The following FBN1 variants were observed in gnomAD, a reference collection of about 807,000 sequenced individuals.
The protein encoded by FBN1 is fibrillin 1, also known as fibrillin-1.
A neutral mutation model predicts 365.1 loss-of-function variants in FBN1; 29 were observed. The ratio of observed to expected loss-of-function variants is 0.08; its 90% CI spans 0.06 to 0.11. The LOEUF (loss-of-function observed/expected upper bound fraction) is 0.11, where lower values mean the gene tolerates loss of function less well. Among genes scored for constraint, FBN1 ranks in the 10% least tolerant of loss-of-function variants. The pLI, the probability that FBN1 is intolerant of heterozygous loss-of-function variation, is 1.00. For missense variants in FBN1, 2,476 were observed against 3,703.2 expected, an observed-to-expected ratio of 0.67 and a Z score of 8.60; for synonymous variants, 1,210 against 1,270.5, an observed-to-expected ratio of 0.95 and a Z score of 1.01.
intron 6 of FBN1, among the ~76,000 whole-genome samples, chr15:48,581,727 G>A (rs1278096067): frequency 1.3e-5 from 2 of 152,170 alleles, no homozygotes; most frequent in African/African-American, 2.4e-5. Flanking sequence ...TGAAAAATGA[G>A]AGGAAAGAAC....
At chr15:48,527,088 G>A (rs1055516989) in intron 8 of FBN1, among the ~76,000 whole-genome samples, 3 of 152,226 alleles carry the variant, frequency 2.0e-5, no homozygotes, top group South Asian at 4.1e-4. Context: ...AGTGGAGGCT[G>A]TTGATGGGCT....
intron 18 of FBN1, among the ~76,000 whole-genome samples, chr15:48,498,279 C>T (rs1230669985): frequency 6.6e-6 from 1 of 152,118 alleles, no homozygotes; most frequent in Non-Finnish European, 1.5e-5. Flanking sequence ...CTCTAAATAT[C>T]CCCTCCACAT....
At chr15:48,635,256 G>A (rs1040455214) in intron 2 of FBN1, among the ~76,000 whole-genome samples, 4 of 152,058 alleles carry the variant, frequency 2.6e-5, no homozygotes, top group Admixed American at 6.6e-5. Flanking sequence ...TCTCTCTTCC[G>A]CTCTGAGGGA....
chr15:48,561,079 C>A (rs1400887352), intron 6 of FBN1, among the ~76,000 whole-genome samples: 9 of 152,122 alleles, frequency 5.9e-5, no homozygotes, highest in Non-Finnish European at 1.3e-4. Context: ...GAGTGATTTG[C>A]CCAAGGTCAC....
intron 2 of FBN1, among the ~76,000 whole-genome samples, chr15:48,634,189 C>T (rs575320269): frequency 1.3e-5 from 2 of 152,330 alleles, no homozygotes; most frequent in South Asian, 2.1e-4. Flanking sequence ...GGAAATGATA[C>T]ACAATAAACC....
At chr15:48,614,918 T>A (rs577971964) in intron 2 of FBN1, among the ~76,000 whole-genome samples, 18 of 152,306 alleles carry the variant, frequency 1.2e-4, no homozygotes, top group African/African-American at 3.8e-4. Flanking sequence ...AAAGATGTTA[T>A]GGAGAATTTT....
At chr15:48,526,495 TA>T (rs1431569444) in intron 8 of FBN1, among the ~76,000 whole-genome samples, 2 of 152,234 alleles carry the variant, frequency 1.3e-5, no homozygotes, top group African/African-American at 4.8e-5. Flanking sequence ...CACCCCCCTT[TA>T]AAATCTAAAC....
intron 6 of FBN1, among the ~76,000 whole-genome samples, chr15:48,539,955 A>G (rs1461281261): frequency 2.6e-5 from 4 of 152,230 alleles, no homozygotes; most frequent in Non-Finnish European, 5.9e-5. Context: ...AAAAATATAA[A>G]CAAGTATTAA....
chr15:48,624,589 G>C (rs1356552711), intron 2 of FBN1, among the ~76,000 whole-genome samples: 1 of 152,352 alleles, frequency 6.6e-6, no homozygotes, highest in East Asian at 1.9e-4. Flanking sequence ...TGCTTCTGGA[G>C]CATCTGAGAG....
chr15:48,533,626 A>C (rs565079261), intron 8 of FBN1, among the ~76,000 whole-genome samples: 1 of 152,340 alleles, frequency 6.6e-6, no homozygotes, highest in African/African-American at 2.4e-5. Context: ...ATGAGCATGT[A>C]CTAGGAGCAT....
At chr15:48,420,660 T>A (rs1276298675) in intron 63 of FBN1, 27 bp downstream of exon 63, 3 of 1,613,966 alleles carry the variant, frequency 1.9e-6, no homozygotes, top group Admixed American at 3.3e-5. Flanking sequence ...TAGCCATGCA[T>A]CTTGAGAGTG....
chr15:48,429,874 G>A (rs1376862685), intron 56 of FBN1, among the ~76,000 whole-genome samples: 1 of 152,184 alleles, frequency 6.6e-6, no homozygotes, highest in Non-Finnish European at 1.5e-5. Flanking sequence ...TAAAAAGAAA[G>A]AGAATGCGTG....
intron 43 of FBN1, among the ~76,000 whole-genome samples, chr15:48,458,338 C>A (rs1357190572): frequency 4.6e-5 from 7 of 152,146 alleles, no homozygotes; most frequent in African/African-American, 1.4e-4. Flanking sequence ...TAAAAAAGGG[C>A]TTGATTTTGT....
chr15:48,494,076 C>A lies in FBN1; in HGVS notation c.2728+128G>T, dbSNP rs188986423. The A allele has an allele frequency of 1.1e-4, 82 of 751,652 alleles. No homozygotes were observed. The Middle Eastern group carries it at 1.7e-3, about 16-fold the overall frequency. 46.6% of individuals were successfully genotyped at this position (751,652 alleles called of 1,614,324 possible). Reference sequence around the variant, plus strand: ...TTAACAGCTGTTCCGTTTTGTAGTTCTCATTATTTTTTTTCTCTGCTGCAT... The same window carrying A: ...TTAACAGCTGTTCCGTTTTGTAGTTATCATTATTTTTTTTCTCTGCTGCAT... On this transcript the variant is annotated intron_variant, in intron 23 of 65. Coordinates refer to ENST00000316623, the MANE Select transcript of FBN1 (RefSeq NM_000138.5).
intron 6 of FBN1, among the ~76,000 whole-genome samples, chr15:48,552,413 C>T (rs937973895): frequency 1.3e-5 from 2 of 152,048 alleles, no homozygotes; most frequent in Non-Finnish European, 2.9e-5. Flanking sequence ...GCTGAGACTA[C>T]AGGCACATGT....
intron 8 of FBN1, among the ~76,000 whole-genome samples, chr15:48,533,157 C>T (rs1287584136): frequency 6.6e-6 from 1 of 152,172 alleles, no homozygotes; most frequent in African/African-American, 2.4e-5. Context: ...CTGTTAGAGT[C>T]TAGGGGCATA....
At chr15:48,600,565 G>A (rs1469210752) in intron 4 of FBN1, among the ~76,000 whole-genome samples, 4 of 152,280 alleles carry the variant, frequency 2.6e-5, no homozygotes, top group South Asian at 2.1e-4. Flanking sequence ...TTAGCCAGGC[G>A]TAATGGCGCA....
chr15:48,517,010 G>C (rs2043810006), intron 10 of FBN1, among the ~76,000 whole-genome samples: 1 of 152,174 alleles, frequency 6.6e-6, no homozygotes, highest in African/African-American at 2.4e-5. Flanking sequence ...GAAGTAGTAA[G>C]TGTCAGAGCT....
intron 43 of FBN1, among the ~76,000 whole-genome samples, chr15:48,459,979 C>T (rs2043268595): frequency 6.6e-6 from 1 of 152,156 alleles, no homozygotes; most frequent in Non-Finnish European, 1.5e-5. Context: ...CATGTTGATG[C>T]CTAAGGTTGG....
Sources: gnomAD v4.1 joint callset for allele counts (sites outside exome capture counted in the v4.1 genomes callset) on GRCh38, gnomAD v4.1.1 for gene constraint, MANE v1.5 for transcripts, NCBI Gene and HGNC (gene_info 2026-07-23, HGNC 2026-07-21) for gene names.